Variants in ZNF470 observed in about 807,000 individuals in gnomAD.
The protein encoded by ZNF470 is chondrogenesis zinc finger protein 1.
ZNF470 carries 13 observed loss-of-function variants against 13.9 expected under a neutral mutation model. That is an observed-to-expected ratio of 0.94 (90% CI 0.61 to 1.49). The LOEUF (loss-of-function observed/expected upper bound fraction) is 1.49, where lower values mean the gene tolerates loss of function less well. Ranked by LOEUF, ZNF470 falls within the 40% of genes most tolerant of loss-of-function variation. ZNF470 has a pLI of 0.00. For missense variants in ZNF470, 929 were observed against 857.3 expected, an observed-to-expected ratio of 1.08 and a Z score of -1.04; for synonymous variants, 293 against 282.9, an observed-to-expected ratio of 1.04 and a Z score of -0.36.
At position 56,577,791 on chromosome 19, in the gene ZNF470, A is replaced by C; in HGVS notation, c.1362A>C (p.Glu454Asp). ...TTCATACAGGAGAGAAACCTTATGA[A>C]TGCAATATCTGTGAGAAAGCCTTCA... The part of the protein sequence containing the change: ...QRIHTGEKPY[E>D]CNICEKAFSH... The change falls in exon 6 of 6, where the codon GAA becomes GAC. Residue 454 changes from glutamate (E) to aspartate (D), a missense_variant. Physicochemically the swap from Glu to Asp is conservative, Grantham distance 45. Coordinates refer to ENST00000330619, the MANE Select transcript of ZNF470 (RefSeq NM_001001668.4). 6.2e-7 allele frequency: 1 copy of C among 1,613,846 alleles called. No homozygotes were observed. Among genetic ancestry groups the C allele is most frequent in the Non-Finnish European group, 8.5e-7 (1 of 1,179,952 alleles).
intron 5 of ZNF470, among the ~76,000 whole-genome samples, chr19:56,576,195 G>T (rs1273545553): frequency 6.6e-6 from 1 of 152,024 alleles, no homozygotes; most frequent in South Asian, 2.1e-4. Context: ...ATATAATAAT[G>T]TAGGTTACCA....
rs1413471016 is a variant in ZNF470 at position 56,577,956 on chromosome 19, T to A, written c.1527T>A (p.Tyr509Ter). 3.1e-6 allele frequency: 5 copies of A among 1,614,094 alleles called. No homozygotes were observed. In the South Asian group the frequency reaches 3.3e-5, roughly 11 times the overall value. ...HQRIHTGEKP[Y>*]ECKECSKTFS... is the part of the protein sequence containing the mutation. The stretch of plus-strand genomic sequence containing the variant: ...GAATTCATACTGGAGAGAAACCTTA[T>A]GAATGTAAGGAATGCAGCAAAACCT... Residue 509 changes from tyrosine to a stop codon, truncating the protein, a stop_gained, in exon 6 of 6, where the codon TAT becomes TAA. Transcript: ENST00000330619. LOFTEE classifies it low-confidence loss of function (END_TRUNC).
Position 56,578,655 on chromosome 19 carries a change from A to ACGCAACC in ZNF470, c.*73_*79dup. ...ACATGTCCCATCATCATAGTCCAAGACGCAACCATCTCATCTGGATTTCTG... is the reference window on the plus strand; with the variant it reads ...ACATGTCCCATCATCATAGTCCAAGACGCAACCCGCAACCATCTCATCTGGATTTCTG... On this transcript the variant is annotated 3_prime_UTR_variant, in exon 6 of 6. Transcript: ENST00000330619. 1 of 1,367,944 alleles carries ACGCAACC rather than the reference A, an allele frequency of 7.3e-7. No homozygotes were observed. The allele number at this position is 1,367,944 out of a possible 1,614,324, so 84.7% of individuals were successfully genotyped here. A position where few individuals can be genotyped will look rare whatever the true frequency, so the allele number is the denominator to read the frequency against.
rs779677380 is a variant in ZNF470, at chr19:56,578,001, C to A, written c.1572C>A (p.Leu524=). The change falls in exon 6 of 6, where the codon CTC becomes CTA. Residue 524 remains leucine (L), a synonymous_variant. Coordinates refer to ENST00000330619, the MANE Select transcript of ZNF470 (RefSeq NM_001001668.4). ...CSKTFSQNAH[L]AQHQKIHTGE... ...AAACCTTCAGCCAGAATGCACACCT[C>A]GCGCAACATCAGAAAATACACACTG... The A allele has an allele frequency of 7.4e-6, 12 of 1,612,832 alleles. No individual in the cohort carries two copies. Among genetic ancestry groups the A allele is most frequent in the Non-Finnish European group, 1.0e-5 (12 of 1,179,390 alleles).
rs769270688 is a variant in ZNF470 at position 56,582,099 on chromosome 19, CT to C, written c.*3521del. On this transcript the variant is annotated 3_prime_UTR_variant, in exon 6 of 6. Transcript: ENST00000330619. The stretch of plus-strand genomic sequence containing the variant: ...TGGAAAAATCAGGTATTGGGAGTTG[CT>C]TTTTGGATGAGATGGGGCGAATAAG... 1.5e-4 allele frequency: 143 copies of C among 985,194 alleles called. No homozygotes were observed. Among genetic ancestry groups the C allele is most frequent in the Non-Finnish European group, 1.6e-4 (136 of 829,916 alleles). 61.0% of individuals were successfully genotyped at this position (985,194 alleles called of 1,614,324 possible).
chr19:56,567,867 C>G lies in ZNF470; in HGVS notation c.-330C>G. On this transcript the variant is annotated 5_prime_UTR_variant, in exon 1 of 6. Coordinates refer to ENST00000330619, the MANE Select transcript of ZNF470 (RefSeq NM_001001668.4). ...CTTACCCCGTTCTCCCCTGTATCGA[C>G]TGCGTAGAGCCCAGTGTGGGCAAAG... 3 of 985,390 alleles carry G rather than the reference C, an allele frequency of 3.0e-6. No individual in the cohort carries two copies. Among genetic ancestry groups the G allele is most frequent in the Non-Finnish European group, 3.6e-6 (3 of 830,058 alleles). The allele number at this position is 985,390 out of a possible 1,614,324, so 61.0% of individuals were successfully genotyped here. A position where few individuals can be genotyped will look rare whatever the true frequency, so the allele number is the denominator to read the frequency against.
chr19:56,568,019 C>A lies in ZNF470; in HGVS notation c.-178C>A, dbSNP rs1568492707. The A allele has an allele frequency of 1.0e-6, 1 of 985,532 alleles. No individual in the cohort carries two copies. 61.0% of individuals were successfully genotyped at this position (985,532 alleles called of 1,614,324 possible). On this transcript the variant is annotated 5_prime_UTR_variant, in exon 1 of 6. Coordinates refer to ENST00000330619, the MANE Select transcript of ZNF470 (RefSeq NM_001001668.4). The stretch of plus-strand genomic sequence containing the variant: ...CCACAGGACGGCGAGGAGCGAAGAC[C>A]ATGGGGACTGAGTACACAGGTAAGA...
chr19:56,572,371 A>AATATATATAT lies in ZNF470; in HGVS notation c.60+2010_61-2004dup, dbSNP rs1555772221. 4.1e-3 allele frequency among the ~76,000 whole-genome samples: 70 copies of AATATATATAT among 17,234 alleles called. 1 individual carries two copies. Among genetic ancestry groups the AATATATATAT allele is most frequent in the Non-Finnish European group, 4.5e-3 (53 of 11,736 alleles). 11.3% of individuals were successfully genotyped at this position (17,234 alleles called of 152,430 possible). A position where few individuals can be genotyped will look rare whatever the true frequency, so the allele number is the denominator to read the frequency against. Reference sequence around the variant, plus strand: ...AAAAAAAAAAAAAAAAAAAAAAAAAAATATATATATATATATATAAATTAG... The same window carrying AATATATATAT: ...AAAAAAAAAAAAAAAAAAAAAAAAAAATATATATATATATATATATATATATATAAATTAG... On this transcript the variant is annotated intron_variant, in intron 3 of 5. Transcript: ENST00000330619.
Position 56,567,561 on chromosome 19 carries a change from T to G in ZNF470, c.-636T>G. On this transcript the variant is annotated 5_prime_UTR_variant, in exon 1 of 6. Transcript: ENST00000330619. ...GGCGGGGCAGCGGCCGAGGCTGGAC[T>G]GGGGCGCGGCGGGGGCGGTGTCCTG... 1 of 986,942 alleles carries G rather than the reference T, an allele frequency of 1.0e-6. No homozygotes were observed. Among genetic ancestry groups the G allele is most frequent in the Non-Finnish European group, 1.2e-6 (1 of 831,112 alleles). 61.1% of individuals were successfully genotyped at this position (986,942 alleles called of 1,614,324 possible). A position where few individuals can be genotyped will look rare whatever the true frequency, so the allele number is the denominator to read the frequency against.
In ZNF470 at chr19:56,567,915, C is replaced by G. The variant is rs571860762; in HGVS notation, c.-282C>G. 1 of 985,600 alleles carries G rather than the reference C, an allele frequency of 1.0e-6. No homozygotes were observed. The highest frequency in any genetic ancestry group is 1.7e-5 in the African/African-American group (1 of 57,344). 61.1% of individuals were successfully genotyped at this position (985,600 alleles called of 1,614,324 possible). ...AAGTCCTAGAGCCCGGGGAAGTTGC[C>G]CGGGCGGGGCAGCCTCGGCTGAAGC... On this transcript the variant is annotated 5_prime_UTR_variant, in exon 1 of 6. Coordinates refer to ENST00000330619, the MANE Select transcript of ZNF470 (RefSeq NM_001001668.4).
In ZNF470 at chr19:56,578,053, T is replaced by G; in HGVS notation, c.1624T>G (p.Cys542Gly). The G allele has an allele frequency of 6.2e-7, 1 of 1,614,012 alleles. No individual in the cohort carries two copies. Among genetic ancestry groups the G allele is most frequent in the Non-Finnish European group, 8.5e-7 (1 of 1,180,008 alleles). ...TGEKPYECKECGKAFSQIAHL... is the reference protein window; with the variant it reads ...TGEKPYECKEGGKAFSQIAHL... ...GGAGAAACCTTATGAATGTAAGGAA[T>G]GTGGTAAGGCCTTCAGTCAGATTGC... The change falls in exon 6 of 6, where the codon TGT (cysteine) becomes GGT (glycine). Residue 542 changes from cysteine to glycine, a missense_variant. By Grantham distance (159) the Cys-to-Gly change is radical. Coordinates refer to ENST00000330619, the MANE Select transcript of ZNF470 (RefSeq NM_001001668.4).
rs2044419222 is a variant in ZNF470 at position 56,567,520 on chromosome 19, G to A, written c.-677G>A. Reference sequence around the variant, plus strand: ...GAGTGCACGTCCCGCCGGTTGCTGAGGAGAAGGGAGGTCTGGGCGGGGCAG... The same window carrying A: ...GAGTGCACGTCCCGCCGGTTGCTGAAGAGAAGGGAGGTCTGGGCGGGGCAG... On this transcript the variant is annotated 5_prime_UTR_variant, in exon 1 of 6. Transcript: ENST00000330619. The A allele has an allele frequency of 4.1e-6, 4 of 986,074 alleles. No homozygotes were observed. The highest frequency in any genetic ancestry group is 1.7e-5 in the African/African-American group (1 of 57,258). The allele number at this position is 986,074 out of a possible 1,614,324, so 61.1% of individuals were successfully genotyped here. A position where few individuals can be genotyped will look rare whatever the true frequency, so the allele number is the denominator to read the frequency against.
rs1197385427 is a variant in ZNF470 at position 56,578,409 on chromosome 19, G to C, written c.1980G>C (p.Gln660His). Reference sequence around the variant, plus strand: ...AGGAATGTAGCAAAGCCTTCAGCCAGGTTGCCCATCTTACTCTACATAAGA... The same window carrying C: ...AGGAATGTAGCAAAGCCTTCAGCCACGTTGCCCATCTTACTCTACATAAGA... ...ECKECSKAFS[Q>H]VAHLTLHKRI... The change falls in exon 6 of 6, where the codon CAG (glutamine) becomes CAC (histidine). Residue 660 changes from glutamine (Q) to histidine (H), a missense_variant. Coordinates refer to ENST00000330619, the MANE Select transcript of ZNF470 (RefSeq NM_001001668.4). 3 of 1,610,134 alleles carry C rather than the reference G, an allele frequency of 1.9e-6. No homozygotes were observed. Among genetic ancestry groups the C allele is most frequent in the Non-Finnish European group, 1.7e-6 (2 of 1,178,056 alleles).
Position 56,580,706 on chromosome 19 carries a change from T to C in ZNF470, c.*2123T>C, listed in dbSNP as rs9916991. On this transcript the variant is annotated 3_prime_UTR_variant, in exon 6 of 6. Coordinates refer to ENST00000330619, the MANE Select transcript of ZNF470 (RefSeq NM_001001668.4). ...GAGGGAAGCCGTTATCCAGAGTACATGACTGCTAGAAAATGGAGTTTGGGG... is the reference window on the plus strand; with the variant it reads ...GAGGGAAGCCGTTATCCAGAGTACACGACTGCTAGAAAATGGAGTTTGGGG... The C allele has an allele frequency of 0.068, 19,561 of 287,024 alleles. 2,909 individuals carry two copies. The highest frequency in any genetic ancestry group is 0.35 in the African/African-American group (15,135 of 43,574). The allele number at this position is 287,024 out of a possible 1,614,324, so 17.8% of individuals were successfully genotyped here.
Position 56,578,786 on chromosome 19 carries a change from A to G in ZNF470, c.*203A>G, listed in dbSNP as rs2044513674. The stretch of plus-strand genomic sequence containing the variant: ...AATACATAATTTATGTTATTTTCCC[A>G]TTTAAAACACTTGATTTGAAAAATA... On this transcript the variant is annotated 3_prime_UTR_variant, in exon 6 of 6. Transcript: ENST00000330619. The G allele has an allele frequency of 8.1e-7, 1 of 1,236,486 alleles. No homozygotes were observed. Among genetic ancestry groups the G allele is most frequent in the East Asian group, 3.0e-5 (1 of 33,184 alleles). The allele number at this position is 1,236,486 out of a possible 1,614,324, so 76.6% of individuals were successfully genotyped here. A position where few individuals can be genotyped will look rare whatever the true frequency, so the allele number is the denominator to read the frequency against.
chr19:56,575,291 T>A (rs1296681895), intron 5 of ZNF470, among the ~76,000 whole-genome samples: 1 of 152,052 alleles, frequency 6.6e-6, no homozygotes, highest in African/African-American at 2.4e-5. Context: ...TATTTTAAGA[T>A]CTTTTAGAAT....
Position 56,567,729 on chromosome 19 carries a change from T to TGGCCGCGAATCTGCGC in ZNF470, c.-467_-452dup. 2 of 988,134 alleles carry TGGCCGCGAATCTGCGC rather than the reference T, an allele frequency of 2.0e-6. No individual in the cohort carries two copies. The highest frequency in any genetic ancestry group is 1.0e-3 in the Middle Eastern group (2 of 1,928). 61.2% of individuals were successfully genotyped at this position (988,134 alleles called of 1,614,324 possible). A position where few individuals can be genotyped will look rare whatever the true frequency, so the allele number is the denominator to read the frequency against. On this transcript the variant is annotated 5_prime_UTR_variant, in exon 1 of 6. The change abolishes the stop of an existing upstream ORF in the 5' untranslated region. Coordinates refer to ENST00000330619, the MANE Select transcript of ZNF470 (RefSeq NM_001001668.4). ...GCCCGGTGTGTGACTGTCCGGTGCG[T>TGGCCGCGAATCTGCGC]GGCCGCGAATCTGCGCCTGCGTGCA...
In ZNF470 at chr19:56,581,563, C is replaced by A; in HGVS notation, c.*2980C>A. 1 of 772,132 alleles carries A rather than the reference C, an allele frequency of 1.3e-6. No homozygotes were observed. The highest frequency in any genetic ancestry group is 1.6e-6 in the Non-Finnish European group (1 of 636,138). The allele number at this position is 772,132 out of a possible 1,614,324, so 47.8% of individuals were successfully genotyped here. A position where few individuals can be genotyped will look rare whatever the true frequency, so the allele number is the denominator to read the frequency against. ...TATCCATTCAATAGGAATTATGCAGCTGTTGAAAAAAAATCAATGTGTGTA... is the reference window on the plus strand; with the variant it reads ...TATCCATTCAATAGGAATTATGCAGATGTTGAAAAAAAATCAATGTGTGTA... On this transcript the variant is annotated 3_prime_UTR_variant, in exon 6 of 6. Coordinates refer to ENST00000330619, the MANE Select transcript of ZNF470 (RefSeq NM_001001668.4).
In ZNF470 at chr19:56,576,984, A is replaced by G. The variant is rs983638118; in HGVS notation, c.555A>G (p.Thr185=). ...NKSGTVFHLN[T]LSYIKQIFPM... is the part of the protein sequence containing the mutation. ...CTGGGACAGTTTTTCATCTGAATAC[A>G]TTATCTTATATAAAACAGATTTTTC... The change falls in exon 6 of 6, where the codon ACA becomes ACG. Residue 185 remains threonine, a synonymous_variant. Coordinates refer to ENST00000330619, the MANE Select transcript of ZNF470 (RefSeq NM_001001668.4). 2.5e-6 allele frequency: 4 copies of G among 1,587,234 alleles called. No individual in the cohort carries two copies. In the African/African-American group the frequency reaches 4.1e-5, roughly 16 times the overall value.
Sources: allele counts gnomAD v4.1 joint callset (sites outside exome capture counted in the v4.1 genomes callset), GRCh38; gene constraint gnomAD v4.1.1; transcripts MANE v1.5; gene names NCBI Gene and HGNC (gene_info 2026-07-23, HGNC 2026-07-21).